Variants in SLC35G2 observed in about 807,000 individuals in gnomAD.
The protein encoded by SLC35G2 is transmembrane protein 22.
A neutral mutation model predicts 27.2 loss-of-function variants in SLC35G2; 20 were observed. The ratio of observed to expected loss-of-function variants is 0.74; its 90% confidence interval spans 0.52 to 1.07. The LOEUF is 1.07. Ranked by LOEUF, SLC35G2 falls within the 50% of genes least tolerant of loss-of-function variation. SLC35G2 has a pLI of 0.00. For missense variants in SLC35G2, 416 were observed against 493.3 expected (o/e 0.84, Z 1.48); for synonymous variants, 148 against 165.3 (o/e 0.90, Z 0.80).
At chr3:136,838,264 TATATATATATATATATATAA>T (rs1202817299) in intron 1 of SLC35G2, 2 of 12,384 alleles carry the variant, frequency 1.6e-4, no homozygotes, top group South Asian at 4.5e-3. Context: ...TATATATATA[TATATATATATATATATATAA>T]ATGCACACAC....
chr3:136,840,634 CT>C (rs1937050752), intron 1 of SLC35G2, among the ~76,000 whole-genome samples: 3 of 144,448 alleles, frequency 2.1e-5, no homozygotes, highest in South Asian at 4.5e-4. Context: ...TTTTTCTTTT[CT>C]TTTCTTTTGA....
At chr3:136,829,245 T>C (rs1936663444) in intron 1 of SLC35G2, among the ~76,000 whole-genome samples, 1 of 151,936 alleles carries the variant, frequency 6.6e-6, no homozygotes, top group African/African-American at 2.4e-5. Context: ...TTTTTTTAGA[T>C]GGAGTCTTGC....
chr3:136,820,249 C>G (rs563089788), intron 1 of SLC35G2: 8 of 152,422 alleles, frequency 5.2e-5, no homozygotes, highest in African/African-American at 1.7e-4. Flanking sequence ...GGGGGTAGCT[C>G]CGGAGGAGCG....
chr3:136,830,151 C>T (rs1239513520), intron 1 of SLC35G2, among the ~76,000 whole-genome samples: 33 of 138,050 alleles, frequency 2.4e-4, no homozygotes, highest in Non-Finnish European at 3.3e-4. Flanking sequence ...CCTCTGTCAC[C>T]AGGCTGGGGT....
chr3:136,848,730 G>A (rs1937507041), intron 1 of SLC35G2, among the ~76,000 whole-genome samples: 1 of 152,164 alleles, frequency 6.6e-6, no homozygotes, highest in Non-Finnish European at 1.5e-5. Context: ...ATTAGTGGGA[G>A]CTAAACAATT....
intron 1 of SLC35G2, chr3:136,837,973 GC>G (rs1936923508): frequency 6.6e-6 from 1 of 151,778 alleles, no homozygotes; most frequent in East Asian, 1.9e-4. Flanking sequence ...CATGTATACA[GC>G]TGGGACTACA....
At chr3:136,833,475 T>G (rs1936786693) in intron 1 of SLC35G2, among the ~76,000 whole-genome samples, 1 of 152,170 alleles carries the variant, frequency 6.6e-6, no homozygotes. Context: ...CCAACCTTTT[T>G]GGCACCAGGG....
At chr3:136,839,031 A>T (rs762423896) in intron 1 of SLC35G2, 23 of 152,214 alleles carry the variant, frequency 1.5e-4, no homozygotes, top group Non-Finnish European at 3.1e-4. Flanking sequence ...TCCCCCTTCT[A>T]GTGATGGCTC....
At chr3:136,824,131 G>A (rs1377398522) in intron 1 of SLC35G2, among the ~76,000 whole-genome samples, 1 of 152,152 alleles carries the variant, frequency 6.6e-6, no homozygotes, top group Non-Finnish European at 1.5e-5. Flanking sequence ...TAGCTCTGTA[G>A]TATAATTTGA....
Position 136,855,245 on chromosome 3 carries a change from T to G in SLC35G2, c.785T>G (p.Val262Gly). Residue 262 changes from valine to glycine, a missense_variant, in exon 2 of 2, where the codon GTG becomes GGG. Physicochemically the swap from Val to Gly is moderately radical, Grantham distance 109 (BLOSUM62 -3). Transcript: ENST00000446465. ...GAAGCCTTTGGGTACACCATGACTG[T>G]GATGGCTGGACTGACCACTGCTCTC... ...WKEAFGYTMT[V>G]MAGLTTALSM... 6.2e-7 allele frequency: 1 copy of G among 1,614,216 alleles called. No homozygotes were observed. Among genetic ancestry groups the G allele is most frequent in the Non-Finnish European group, 8.5e-7 (1 of 1,180,030 alleles).
At chr3:136,830,709 C>A (rs552656290) in intron 1 of SLC35G2, among the ~76,000 whole-genome samples, 37 of 152,338 alleles carry the variant, frequency 2.4e-4, no homozygotes, top group Admixed American at 2.3e-3. Flanking sequence ...TCACTGTACA[C>A]AGCCCACATC....
At chr3:136,824,591 ATTTG>A (rs1309145052) in intron 1 of SLC35G2, among the ~76,000 whole-genome samples, 5 of 152,162 alleles carry the variant, frequency 3.3e-5, no homozygotes, top group East Asian at 1.9e-4. Context: ...ACTTTACTGA[ATTTG>A]TTTATCTGTA....
In SLC35G2 at chr3:136,854,797, T is replaced by C; in HGVS notation, c.337T>C (p.Leu113=). Residue 113 remains leucine, a synonymous_variant, in exon 2 of 2, where the codon TTG becomes CTG. Coordinates refer to ENST00000446465, the MANE Select transcript of SLC35G2 (RefSeq NM_025246.3). ...KMWIVLFGSA[L]AHGCVALITR... is the part of the protein sequence containing the mutation. ...GTGGATAGTGCTGTTTGGATCTGCT[T>C]TGGCTCATGGATGTGTAGCTCTTAT... The C allele has an allele frequency of 6.2e-7, 1 of 1,614,222 alleles. No homozygotes were observed. Among genetic ancestry groups the C allele is most frequent in the South Asian group, 1.1e-5 (1 of 91,088 alleles).
At chr3:136,831,505 C>T (rs1012128764) in intron 1 of SLC35G2, among the ~76,000 whole-genome samples, 1 of 152,112 alleles carries the variant, frequency 6.6e-6, no homozygotes, top group African/African-American at 2.4e-5. Context: ...TACATAGGCA[C>T]CTCACAATGA....
chr3:136,820,438 A>G (rs1307011919), intron 1 of SLC35G2: 2 of 152,222 alleles, frequency 1.3e-5, no homozygotes, highest in Admixed American at 6.5e-5. Context: ...CAGGCCCAAC[A>G]CTGAAACTCT....
At chr3:136,852,819 G>A (rs975790251) in intron 1 of SLC35G2, among the ~76,000 whole-genome samples, 1 of 151,914 alleles carries the variant, frequency 6.6e-6, no homozygotes, top group Non-Finnish European at 1.5e-5. Context: ...AGCGGGAGGA[G>A]AGGATCATTG....
intron 1 of SLC35G2, among the ~76,000 whole-genome samples, chr3:136,829,650 T>C (rs1305256969): frequency 6.6e-6 from 1 of 152,210 alleles, no homozygotes; most frequent in Admixed American, 6.5e-5. Context: ...GGGAAACTAT[T>C]TCTCCTTCAT....
intron 1 of SLC35G2, among the ~76,000 whole-genome samples, chr3:136,850,534 G>GA (rs1404503235): frequency 2.0e-5 from 3 of 151,906 alleles, no homozygotes; most frequent in Non-Finnish European, 4.4e-5. Flanking sequence ...AAGCCAAGCT[G>GA]GTTTCTATCC....
At chr3:136,845,121 GA>G (rs1203197027) in intron 1 of SLC35G2, among the ~76,000 whole-genome samples, 2 of 152,166 alleles carry the variant, frequency 1.3e-5, no homozygotes, top group Non-Finnish European at 2.9e-5. Flanking sequence ...TATAATGTTT[GA>G]TATCATTTTT....
Sources: allele counts gnomAD v4.1 joint callset (sites outside exome capture counted in the v4.1 genomes callset), GRCh38; gene constraint gnomAD v4.1.1; transcripts MANE v1.5; gene names NCBI Gene and HGNC (gene_info 2026-07-23, HGNC 2026-07-21).